KCNN2: variants seen among roughly 807,000 people sequenced by gnomAD.
KCNN2 encodes potassium calcium-activated channel subfamily N member 2.
KCNN2 carries 24 observed loss-of-function variants against 55.5 expected under a neutral mutation model. The observed-to-expected ratio is 0.43, with a 90% CI of 0.31 to 0.61. The LOEUF is 0.61. Among genes scored for constraint, KCNN2 ranks in the 20% least tolerant of loss-of-function variants. The pLI, the probability that KCNN2 is intolerant of heterozygous loss-of-function variation, is 0.08. For synonymous variants in KCNN2, 431 were observed against 336.1 expected, an observed-to-expected ratio of 1.28 and a Z score of -3.09; for missense variants, 754 against 853.6, an observed-to-expected ratio of 0.88 and a Z score of 1.45.
At chr5:114,326,677 A>G (rs1449792738) in intron 2 of KCNN2, among the ~76,000 whole-genome samples, 2 of 152,182 alleles carry the variant, frequency 1.3e-5, no homozygotes. Flanking sequence ...TTGCCTTCAT[A>G]GACTTCTGGA....
intron 2 of KCNN2, among the ~76,000 whole-genome samples, chr5:114,386,913 C>G (rs927998884): frequency 2.0e-5 from 3 of 152,158 alleles, no homozygotes; most frequent in Non-Finnish European, 4.4e-5. Context: ...TTTTTGCTTT[C>G]TACTGTCCTT....
chr5:114,252,858 A>C (rs1374378304), intron 2 of KCNN2, among the ~76,000 whole-genome samples: 2 of 152,072 alleles, frequency 1.3e-5, no homozygotes, highest in Non-Finnish European at 2.9e-5. Flanking sequence ...AGAGACGAGG[A>C]CTGAAAAGAG....
At chr5:114,103,274 A>G (rs569761589) in intron 1 of KCNN2, among the ~76,000 whole-genome samples, 5 of 150,350 alleles carry the variant, frequency 3.3e-5, no homozygotes, top group South Asian at 2.1e-4. Context: ...GATTTTTGCA[A>G]ATTGTATCCT....
intron 3 of KCNN2, among the ~76,000 whole-genome samples, chr5:114,449,898 ACACACACACACG>A (rs1375602641): frequency 2.9e-4 from 27 of 93,502 alleles, no homozygotes; most frequent in South Asian, 8.6e-4. Context: ...ACACACACAC[ACACACACACACG>A]CGCGCGCTCG....
At chr5:114,216,629 C>T (rs1754006156) in intron 1 of KCNN2, among the ~76,000 whole-genome samples, 1 of 152,032 alleles carries the variant, frequency 6.6e-6, no homozygotes, top group Non-Finnish European at 1.5e-5. Context: ...TAGAGAGGAA[C>T]ATCCTTAAAT....
At chr5:114,412,991 AC>A (rs1459296982) in intron 3 of KCNN2, among the ~76,000 whole-genome samples, 1 of 152,204 alleles carries the variant, frequency 6.6e-6, no homozygotes, top group Non-Finnish European at 1.5e-5. Flanking sequence ...GCAATGTAAT[AC>A]TTTGTAAACT....
At chr5:114,212,804 G>A (rs968824970) in intron 1 of KCNN2, among the ~76,000 whole-genome samples, 3 of 152,002 alleles carry the variant, frequency 2.0e-5, no homozygotes, top group South Asian at 2.1e-4. Context: ...TTTGCCATTA[G>A]AGTCCAGATT....
rs185395631 is a variant in KCNN2, at chr5:114,474,427, T to C, written c.1890+1263T>C. 5.1e-3 allele frequency among the ~76,000 whole-genome samples: 783 copies of C among 152,302 alleles called. 6 individuals carry two copies. Among genetic ancestry groups the C allele is most frequent in the African/African-American group, 0.018 (751 of 41,566 alleles). On this transcript the variant is annotated intron_variant, in intron 5 of 7. Coordinates refer to ENST00000673685, the MANE Select transcript of KCNN2 (RefSeq NM_021614.4). ...TCAGCCTACATTTACCACTTTGGAA[T>C]GTCTTCTACTCTCCATGACTTACTC...
At chr5:114,103,906 C>T (rs1751424817) in intron 1 of KCNN2, among the ~76,000 whole-genome samples, 1 of 151,892 alleles carries the variant, frequency 6.6e-6, no homozygotes, top group South Asian at 2.1e-4. Flanking sequence ...TGTGTCTTTG[C>T]CGGGTTTTGG....
At chr5:114,341,951 T>G (rs953701797) in intron 2 of KCNN2, among the ~76,000 whole-genome samples, 3 of 151,468 alleles carry the variant, frequency 2.0e-5, no homozygotes, top group Admixed American at 1.3e-4. Flanking sequence ...ACCCAGGCTG[T>G]AGTGCAGTGG....
chr5:114,471,530 TATA>T (rs1761746469), intron 4 of KCNN2, among the ~76,000 whole-genome samples: 6 of 152,144 alleles, frequency 3.9e-5, no homozygotes, highest in Admixed American at 3.3e-4. Flanking sequence ...TGATCCTAAA[TATA>T]GATATAGATA....
chr5:114,104,013 T>C (rs1751428035), intron 1 of KCNN2, among the ~76,000 whole-genome samples: 1 of 152,110 alleles, frequency 6.6e-6, no homozygotes, highest in Non-Finnish European at 1.5e-5. Flanking sequence ...CCAGCTCCTC[T>C]TTTTAGCTCT....
At chr5:114,479,191 G>A (rs1241358403) in intron 5 of KCNN2, among the ~76,000 whole-genome samples, 2 of 150,030 alleles carry the variant, frequency 1.3e-5, no homozygotes, top group South Asian at 2.1e-4. Flanking sequence ...CAAAATAAAG[G>A]GATGGAGGAA....
intron 1 of KCNN2, among the ~76,000 whole-genome samples, chr5:114,093,229 G>C (rs1580505520): frequency 6.6e-6 from 1 of 152,118 alleles, no homozygotes; most frequent in Non-Finnish European, 1.5e-5. Context: ...CTTTACTAAA[G>C]CATAGCAAGA....
intron 1 of KCNN2, among the ~76,000 whole-genome samples, chr5:114,160,796 A>C (rs1457431724): frequency 6.7e-6 from 1 of 149,756 alleles, no homozygotes; most frequent in African/African-American, 2.5e-5. Flanking sequence ...GTTGGTTTAA[A>C]GTCTGTTTTA....
chr5:114,063,346 C>T (rs942036208), intron 1 of KCNN2, among the ~76,000 whole-genome samples: 1 of 152,186 alleles, frequency 6.6e-6, no homozygotes, highest in African/African-American at 2.4e-5. Flanking sequence ...TGTTGCAATA[C>T]AGAAATATGA....
intron 2 of KCNN2, among the ~76,000 whole-genome samples, chr5:114,228,472 A>G (rs527870857): frequency 6.6e-6 from 1 of 152,108 alleles, no homozygotes; most frequent in Non-Finnish European, 1.5e-5. Context: ...ACTTTTAACC[A>G]TCTATCTAAT....
At chr5:114,254,797 C>T (rs1019821972) in intron 2 of KCNN2, among the ~76,000 whole-genome samples, 1 of 151,930 alleles carries the variant, frequency 6.6e-6, no homozygotes, top group East Asian at 1.9e-4. Context: ...AACTTAAAAA[C>T]AAGCAAACAA....
intron 1 of KCNN2, among the ~76,000 whole-genome samples, chr5:114,186,036 C>G (rs1365280948): frequency 1.3e-5 from 2 of 152,100 alleles, no homozygotes; most frequent in African/African-American, 4.8e-5. Context: ...GTTCATTTCT[C>G]TGCATCTTTC....
Sources: gnomAD v4.1 joint callset for allele counts (sites outside exome capture counted in the v4.1 genomes callset) on GRCh38, gnomAD v4.1.1 for gene constraint, MANE v1.5 for transcripts, NCBI Gene and HGNC (gene_info 2026-07-23, HGNC 2026-07-21) for gene names.